Variants in SLC4A10 observed in about 807,000 individuals in gnomAD.
SLC4A10 encodes sodium-driven chloride bicarbonate exchanger.
SLC4A10 carries 42 observed loss-of-function variants against 137.7 expected under a neutral mutation model. The ratio of observed to expected loss-of-function variants is 0.30; its 90% confidence interval spans 0.24 to 0.39. The LOEUF (loss-of-function observed/expected upper bound fraction) is 0.39, where lower values mean the gene tolerates loss of function less well. Among genes scored for constraint, SLC4A10 ranks in the 10% least tolerant of loss-of-function variants. The pLI is 1.00. For missense variants in SLC4A10, 925 were observed against 1,355.0 expected, an observed-to-expected ratio of 0.68 and a Z score of 4.98; for synonymous variants, 474 against 464.1, an observed-to-expected ratio of 1.02 and a Z score of -0.27.
intron 1 of SLC4A10, among the ~76,000 whole-genome samples, chr2:161,691,904 A>G (rs1463741605): frequency 6.6e-6 from 1 of 152,170 alleles, no homozygotes; most frequent in Non-Finnish European, 1.5e-5. Context: ...GTGAATGGAC[A>G]TAATAGAAGT....
Position 161,950,453 on chromosome 2 carries a change from A to G in SLC4A10, c.2380-234A>G, listed in dbSNP as rs575286890. ...AAGTTACTGGATCTCTCTGTGCCTC[A>G]ATTTTCTTATCTGTGTCATCTTTAG... is the stretch of plus-strand genomic sequence containing the variant. On this transcript the variant is annotated intron_variant, in intron 18 of 26. Coordinates refer to ENST00000446997, the MANE Select transcript of SLC4A10 (RefSeq NM_001178015.2). Among the ~76,000 whole-genome samples, 11 of 152,170 alleles carry G rather than the reference A, an allele frequency of 7.2e-5. No homozygotes were observed. The East Asian group carries it at 1.7e-3, about 24-fold the overall frequency.
intron 2 of SLC4A10, among the ~76,000 whole-genome samples, chr2:161,781,179 T>A (rs2052969928): frequency 6.6e-6 from 1 of 152,022 alleles, no homozygotes; most frequent in African/African-American, 2.4e-5. Flanking sequence ...AGCAGCTGCA[T>A]TTTCAAACAG....
intron 3 of SLC4A10, among the ~76,000 whole-genome samples, chr2:161,835,740 G>A (rs186289237): frequency 3.7e-4 from 56 of 152,300 alleles, no homozygotes; most frequent in African/African-American, 1.3e-3. Flanking sequence ...GTGGTCCAAG[G>A]AAGAGACTGT....
At chr2:161,796,679 A>G (rs1022137980) in intron 2 of SLC4A10, among the ~76,000 whole-genome samples, 1 of 152,170 alleles carries the variant, frequency 6.6e-6, no homozygotes, top group Non-Finnish European at 1.5e-5. Flanking sequence ...TCATTTGTAA[A>G]CATCTATACA....
chr2:161,739,201 A>T (rs577481388), intron 1 of SLC4A10, among the ~76,000 whole-genome samples: 18 of 152,310 alleles, frequency 1.2e-4, no homozygotes, highest in African/African-American at 4.3e-4. Flanking sequence ...TTGCATAGTC[A>T]TACTTGCATC....
chr2:161,685,197 A>G (rs1352287819), intron 1 of SLC4A10, among the ~76,000 whole-genome samples: 1 of 152,176 alleles, frequency 6.6e-6, no homozygotes, highest in Non-Finnish European at 1.5e-5. Context: ...TTAAAAACTA[A>G]TGATAGCTGC....
chr2:161,902,298 G>A (rs1234778805), intron 12 of SLC4A10: 1 of 174,300 alleles, frequency 5.7e-6, no homozygotes, highest in African/African-American at 2.4e-5. Flanking sequence ...AATATAAAGT[G>A]CTTTCAAAAC....
chr2:161,860,429 C>T (rs2060372007), intron 5 of SLC4A10, among the ~76,000 whole-genome samples: 1 of 152,012 alleles, frequency 6.6e-6, no homozygotes, highest in Non-Finnish European at 1.5e-5. Context: ...GAATATTGAA[C>T]TGGGAATTCA....
chr2:161,716,108 T>C (rs1211015388), intron 1 of SLC4A10, among the ~76,000 whole-genome samples: 4 of 152,228 alleles, frequency 2.6e-5, no homozygotes, highest in Admixed American at 1.3e-4. Flanking sequence ...TCTCTAAATA[T>C]GTTTTTTGGC....
chr2:161,634,266 A>G (rs1263636957), intron 1 of SLC4A10, among the ~76,000 whole-genome samples: 1 of 151,824 alleles, frequency 6.6e-6, no homozygotes, highest in Non-Finnish European at 1.5e-5. Context: ...GAGGTTATGC[A>G]TTGTTTGTCA....
chr2:161,710,496 C>T (rs1481190702), intron 1 of SLC4A10: 2 of 225,730 alleles, frequency 8.9e-6, no homozygotes, highest in Non-Finnish European at 1.8e-5. Flanking sequence ...TTAGAATTGT[C>T]ATTTCTGTCA....
At chr2:161,657,671 G>T (rs937882277) in intron 1 of SLC4A10, among the ~76,000 whole-genome samples, 1 of 151,874 alleles carries the variant, frequency 6.6e-6, no homozygotes, top group Non-Finnish European at 1.5e-5. Context: ...TGATAAATTT[G>T]TTAAAGCTGT....
At chr2:161,711,219 G>T (rs1020471086) in intron 1 of SLC4A10, among the ~76,000 whole-genome samples, 5 of 151,818 alleles carry the variant, frequency 3.3e-5, no homozygotes, top group Non-Finnish European at 7.4e-5. Context: ...GTATGAGACT[G>T]AAGGTGCACC....
chr2:161,752,557 C>T (rs944963008), intron 1 of SLC4A10, among the ~76,000 whole-genome samples: 2 of 151,984 alleles, frequency 1.3e-5, no homozygotes, highest in Non-Finnish European at 2.9e-5. Context: ...TAATTCTATG[C>T]TCATTGCATT....
At chr2:161,913,164 C>T (rs926190825) in intron 15 of SLC4A10, among the ~76,000 whole-genome samples, 4 of 152,124 alleles carry the variant, frequency 2.6e-5, no homozygotes, top group Non-Finnish European at 5.9e-5. Context: ...CTCATCTTTG[C>T]CTTTCTGAGA....
At chr2:161,730,939 C>G (rs1340693110) in intron 1 of SLC4A10, among the ~76,000 whole-genome samples, 1 of 152,126 alleles carries the variant, frequency 6.6e-6, no homozygotes, top group African/African-American at 2.4e-5. Context: ...ATAGTATTTA[C>G]AGTTAGATAA....
intron 26 of SLC4A10, among the ~76,000 whole-genome samples, chr2:161,979,593 TG>T (rs1184989344): frequency 6.6e-6 from 1 of 152,232 alleles, no homozygotes; most frequent in Non-Finnish European, 1.5e-5. Flanking sequence ...TGGCAGAAAG[TG>T]TATGACTTAC....
chr2:161,792,281 A>G (rs2054287888), intron 2 of SLC4A10, among the ~76,000 whole-genome samples: 1 of 152,184 alleles, frequency 6.6e-6, no homozygotes, highest in South Asian at 2.1e-4. Context: ...ATAATCCTAT[A>G]CATATTAAGA....
chr2:161,653,888 A>G (rs1283293226), intron 1 of SLC4A10, among the ~76,000 whole-genome samples: 1 of 152,214 alleles, frequency 6.6e-6, no homozygotes, highest in Non-Finnish European at 1.5e-5. Context: ...CAAAATGCTG[A>G]TTTCATTTCC....
Sources: allele counts gnomAD v4.1 joint callset (sites outside exome capture counted in the v4.1 genomes callset), GRCh38; gene constraint gnomAD v4.1.1; transcripts MANE v1.5; gene names NCBI Gene and HGNC (gene_info 2026-07-23, HGNC 2026-07-21).